FUT8: variants seen among roughly 807,000 people sequenced by gnomAD.
The protein encoded by FUT8 is fucosyltransferase 8, also known as alpha-(1,6)-fucosyltransferase.
In FUT8, 29 loss-of-function variants were observed where a neutral mutation model predicts 71.3. The ratio of observed to expected loss-of-function variants is 0.41; its 90% CI spans 0.30 to 0.55. The LOEUF is 0.55. Ranked by LOEUF, FUT8 falls within the 20% of genes least tolerant of loss-of-function variation. The pLI is 0.34. For synonymous variants in FUT8, 254 were observed against 239.3 expected, an observed-to-expected ratio of 1.06 and a Z score of -0.57; for missense variants, 544 against 702.1, an observed-to-expected ratio of 0.77 and a Z score of 2.55.
chr14:65,689,183 T>C (rs1004737093), intron 7 of FUT8, among the ~76,000 whole-genome samples: 6 of 152,352 alleles, frequency 3.9e-5, no homozygotes, highest in African/African-American at 1.4e-4. Context: ...GTTGTCACTA[T>C]TTCAGATTTT....
rs775169740 is a variant in FUT8, at chr14:65,532,744, G to A, written c.-227-28593G>A. ...CTATGTTCAGAATGGTATTGCCTAC[G>A]TTGTATTCCAGGCTTTTTCATAGTT... is the stretch of plus-strand genomic sequence containing the variant. On this transcript the variant is annotated intron_variant, in intron 2 of 10. Coordinates refer to ENST00000673929, the MANE Select transcript of FUT8 (RefSeq NM_001371533.1). 4.6e-5 allele frequency among the ~76,000 whole-genome samples: 7 copies of A among 152,222 alleles called. No homozygotes were observed. The East Asian group carries it at 5.8e-4, about 13-fold the overall frequency.
intron 1 of FUT8, among the ~76,000 whole-genome samples, chr14:65,451,918 C>T (rs1258516708): frequency 2.6e-5 from 4 of 152,122 alleles, no homozygotes; most frequent in African/African-American, 9.7e-5. Flanking sequence ...GAAAAGGCAA[C>T]ATTTGAGCCA....
intron 3 of FUT8, among the ~76,000 whole-genome samples, chr14:65,612,608 G>C (rs574863407): frequency 6.6e-6 from 1 of 152,106 alleles, no homozygotes; most frequent in Admixed American, 6.6e-5. Flanking sequence ...CTCTGTCTTG[G>C]TCTTTTTAGA....
At chr14:65,533,019 G>T (rs1007892409) in intron 2 of FUT8, among the ~76,000 whole-genome samples, 11 of 151,920 alleles carry the variant, frequency 7.2e-5, no homozygotes, top group Admixed American at 1.3e-4. Context: ...GTTTTGTTTT[G>T]TTTGTTTACC....
chr14:65,461,468 A>G (rs1325755673), intron 2 of FUT8, among the ~76,000 whole-genome samples: 2 of 152,190 alleles, frequency 1.3e-5, no homozygotes, highest in African/African-American at 2.4e-5. Context: ...CCCAAACTGT[A>G]TGTAGGTACA....
intron 7 of FUT8, among the ~76,000 whole-genome samples, chr14:65,717,052 T>TG (rs2139334056): frequency 1.5e-5 from 1 of 67,604 alleles, no homozygotes; most frequent in Non-Finnish European, 2.9e-5. Flanking sequence ...CGGGCAGAGG[T>TG]GCTCCCCACT....
chr14:65,671,651 G>A (rs965516429), intron 7 of FUT8, among the ~76,000 whole-genome samples: 4 of 152,068 alleles, frequency 2.6e-5, no homozygotes, highest in Non-Finnish European at 2.9e-5. Flanking sequence ...AAACTGCCTG[G>A]AATATCTAGG....
At position 65,611,301 on chromosome 14, in the gene FUT8, AC is replaced by A. The variant is rs145798842; in HGVS notation, c.204-4671del. On this transcript the variant is annotated intron_variant, in intron 3 of 10. Transcript: ENST00000673929. ...CACACACACACACACACACACACAC[AC>A]CCCCCAAGTAATAGCCTTGATTTTG... Among the ~76,000 whole-genome samples the A allele has an allele frequency of 2.9e-4, 11 of 38,586 alleles. 2 individuals carry two copies. The highest frequency in any genetic ancestry group is 1.5e-3 in the African/African-American group (11 of 7,286). 25.3% of individuals were successfully genotyped at this position (38,586 alleles called of 152,430 possible).
At chr14:65,379,416 G>A in the FUT8 span, among the ~76,000 whole-genome samples, 3 of 152,066 alleles carry the variant, frequency 2.0e-5, no homozygotes, top group Non-Finnish European at 4.4e-5. Flanking sequence ...CGTGGTCCCA[G>A]CTACTCAGGA....
chr14:65,660,470 C>T lies in FUT8; in HGVS notation c.598-8773C>T, dbSNP rs1294145556. 2.0e-5 allele frequency among the ~76,000 whole-genome samples: 3 copies of T among 152,116 alleles called. No homozygotes were observed. Among genetic ancestry groups the T allele is most frequent in the Non-Finnish European group, 4.4e-5 (3 of 68,014 alleles). On this transcript the variant is annotated intron_variant, in intron 6 of 10. Coordinates refer to ENST00000673929, the MANE Select transcript of FUT8 (RefSeq NM_001371533.1). The surrounding 1 kb of genome is among the most constrained non-coding windows in gnomAD (Gnocchi z 4.1). ...CTATGACCATATAGTAACTATCTGCCTTTGCTGCAGTCTTTCAGTCTATAA... is the reference window on the plus strand; with the variant it reads ...CTATGACCATATAGTAACTATCTGCTTTTGCTGCAGTCTTTCAGTCTATAA...
At chr14:65,390,699 A>G in the FUT8 span, among the ~76,000 whole-genome samples, 5 of 149,826 alleles carry the variant, frequency 3.3e-5, no homozygotes, top group Admixed American at 6.7e-5. Flanking sequence ...ACAGGACACC[A>G]CCAAGTCTAC....
At chr14:65,675,462 C>T (rs1161623221) in intron 7 of FUT8, among the ~76,000 whole-genome samples, 1 of 152,210 alleles carries the variant, frequency 6.6e-6, no homozygotes, top group Middle Eastern at 3.4e-3. Flanking sequence ...TGATCAAACT[C>T]CAGCCCATTG....
intron 7 of FUT8, among the ~76,000 whole-genome samples, chr14:65,694,331 G>T (rs933982694): frequency 6.6e-6 from 1 of 151,966 alleles, no homozygotes; most frequent in Admixed American, 6.6e-5. Flanking sequence ...TACCACTTTT[G>T]CAGCGTTCCA....
chr14:65,698,891 T>C (rs1462989787), intron 7 of FUT8, among the ~76,000 whole-genome samples: 3 of 152,152 alleles, frequency 2.0e-5, no homozygotes, highest in Non-Finnish European at 4.4e-5. Context: ...TCCAGACTTA[T>C]GGGGGAGACA....
At chr14:65,432,960 T>C (rs2065499247) in intron 1 of FUT8, among the ~76,000 whole-genome samples, 1 of 152,106 alleles carries the variant, frequency 6.6e-6, no homozygotes, top group African/African-American at 2.4e-5. Context: ...TTGCTTTCAC[T>C]TTGCACTGTG....
At chr14:65,707,352 T>A (rs1894603190) in intron 7 of FUT8, among the ~76,000 whole-genome samples, 2 of 152,218 alleles carry the variant, frequency 1.3e-5, no homozygotes, top group African/African-American at 4.8e-5. Context: ...ATTGGATTAT[T>A]TGCTTTCTTG....
At chr14:65,426,300 A>G (rs886471902) in intron 1 of FUT8, among the ~76,000 whole-genome samples, 14 of 150,246 alleles carry the variant, frequency 9.3e-5, no homozygotes, top group African/African-American at 3.4e-4. Context: ...TGTAAAGGGG[A>G]GGCAAACTTT....
intron 9 of FUT8, among the ~76,000 whole-genome samples, chr14:65,725,901 TCCTCTTTC>T: frequency 6.6e-6 from 1 of 152,350 alleles, no homozygotes; most frequent in Non-Finnish European, 1.5e-5. Context: ...ATAATTTAAA[TCCTCTTTC>T]TACCTCTGAA....
At chr14:65,714,595 A>AT (rs927668583) in intron 7 of FUT8, among the ~76,000 whole-genome samples, 131 of 149,530 alleles carry the variant, frequency 8.8e-4, no homozygotes, top group African/African-American at 1.8e-3. Flanking sequence ...AAGTTTTAGG[A>AT]TTTTTTTTTT....
Sources: allele counts gnomAD v4.1 joint callset (sites outside exome capture counted in the v4.1 genomes callset), GRCh38; gene constraint gnomAD v4.1.1; non-coding constraint Gnocchi (gnomAD v3.1); transcripts MANE v1.5; gene names NCBI Gene and HGNC (gene_info 2026-07-23, HGNC 2026-07-21).